Variants in PITPNM2 observed in about 807,000 individuals in gnomAD.
The protein encoded by PITPNM2 is membrane-associated phosphatidylinositol transfer protein 2.
In PITPNM2, 35 loss-of-function variants were observed where a neutral mutation model predicts 132.2. That is an observed-to-expected ratio of 0.26 (90% CI 0.20 to 0.35). PITPNM2 has a LOEUF of 0.35. Among genes scored for constraint, PITPNM2 ranks in the 10% least tolerant of loss-of-function variants. PITPNM2 has a pLI of 1.00. For missense variants in PITPNM2, 1,332 were observed against 1,912.0 expected (o/e 0.70, Z 5.66); for synonymous variants, 738 against 799.2 (o/e 0.92, Z 1.29).
In PITPNM2 at chr12:123,106,577, G is replaced by T. The variant is rs902937585; in HGVS notation, c.-96+3808C>A. 6.6e-6 allele frequency among the ~76,000 whole-genome samples: 1 copy of T among 152,202 alleles called. No homozygotes were observed. Among genetic ancestry groups the T allele is most frequent in the African/African-American group, 2.4e-5 (1 of 41,436 alleles). On this transcript the variant is annotated intron_variant, in intron 2 of 25. Transcript: ENST00000320201. This position sits in a 1 kb window ranked among gnomAD's most constrained non-coding sequence, Gnocchi z 4.4. The stretch of plus-strand genomic sequence containing the variant: ...GCTAAAGCCCTGCGTACTGAGCAGC[G>T]TCAGGTGTGTGTCAAAGAACCATAT...
chr12:123,075,979 G>A (rs934496012), intron 2 of PITPNM2: 2 of 152,304 alleles, frequency 1.3e-5, no homozygotes, highest in Non-Finnish European at 2.9e-5. Flanking sequence ...GCAGGGCCGG[G>A]TGCCTCCCAT....
intron 23 of PITPNM2, 79 bp from the exon 24 acceptor site, chr12:122,986,908 T>C: frequency 6.9e-7 from 1 of 1,450,512 alleles, no homozygotes; most frequent in African/African-American, 1.4e-5. Context: ...CAGGGCCCAC[T>C]TGGGCCATTG....
At chr12:122,990,880 C>T (rs899029995) in intron 16 of PITPNM2, among the ~76,000 whole-genome samples, 171 bp from the exon 17 acceptor site, 1 of 152,158 alleles carries the variant, frequency 6.6e-6, no homozygotes, top group South Asian at 2.1e-4. Context: ...AGAGCTTTAG[C>T]AGGTGAGGAG....
chr12:123,001,597 A>G (rs1337322268), intron 8 of PITPNM2, among the ~76,000 whole-genome samples: 1 of 152,234 alleles, frequency 6.6e-6, no homozygotes, highest in Admixed American at 6.5e-5. Context: ...TGCACTCAGC[A>G]TAGGGTTTCT....
Position 123,004,467 on chromosome 12 carries a change from G to C in PITPNM2, c.975C>G (p.Ile325Met). The C allele has an allele frequency of 6.2e-7, 1 of 1,613,996 alleles. No individual in the cohort carries two copies. Among genetic ancestry groups the C allele is most frequent in the Non-Finnish European group, 8.5e-7 (1 of 1,180,032 alleles). Residue 325 changes from isoleucine to methionine, a missense_variant, in exon 8 of 26, where the codon ATC (isoleucine) becomes ATG (methionine). Coordinates refer to ENST00000320201, the MANE Select transcript of PITPNM2 (RefSeq NM_020845.3). The surrounding 1 kb of genome is among the most constrained non-coding windows in gnomAD (Gnocchi z 4.9). ...KRGASPSRHS[I>M]SEWRMQSIAR... is the part of the protein sequence containing the mutation. Reference sequence around the variant, plus strand: ...CAATACTCTGCATCCTCCACTCTGAGATGCTGTGGCGGGAAGGACTCGCTG... The same window carrying C: ...CAATACTCTGCATCCTCCACTCTGACATGCTGTGGCGGGAAGGACTCGCTG...
At position 123,058,960 on chromosome 12, in the gene PITPNM2, G is replaced by A. The variant is rs1043966349; in HGVS notation, c.-95-24275C>T. On this transcript the variant is annotated intron_variant, in intron 2 of 25. Coordinates refer to ENST00000320201, the MANE Select transcript of PITPNM2 (RefSeq NM_020845.3). The surrounding 1 kb of genome is among the most constrained non-coding windows in gnomAD (Gnocchi z 4.0). ...CACCACACCCCATTCCCATTGTCTG[G>A]GCCCAAACCATGAAGCTCAGGGCAG... 2.6e-5 allele frequency among the ~76,000 whole-genome samples: 4 copies of A among 151,934 alleles called. No homozygotes were observed. In the South Asian group the frequency reaches 8.3e-4, roughly 32 times the overall value.
chr12:123,004,709 G>A lies in PITPNM2; in HGVS notation c.953-220C>T, dbSNP rs924092534. On this transcript the variant is annotated intron_variant, in intron 7 of 25. Coordinates refer to ENST00000320201, the MANE Select transcript of PITPNM2 (RefSeq NM_020845.3). This position sits in a 1 kb window ranked among gnomAD's most constrained non-coding sequence, Gnocchi z 4.9. ...GCCTGGCACAAGGCAGTCATGTCCC[G>A]GGGAGCATGGGTGGGGAAGAGCATG... 3.3e-5 allele frequency: 20 copies of A among 607,684 alleles called. No homozygotes were observed. Among genetic ancestry groups the A allele is most frequent in the Middle Eastern group, 4.4e-4 (1 of 2,290 alleles). 37.6% of individuals were successfully genotyped at this position (607,684 alleles called of 1,614,324 possible).
chr12:123,055,669 AC>A (rs1368816521), intron 2 of PITPNM2, among the ~76,000 whole-genome samples: 3 of 152,190 alleles, frequency 2.0e-5, no homozygotes, highest in Non-Finnish European at 2.9e-5. Context: ...ATGTTTCTGG[AC>A]CACTGTGAGG....
At chr12:123,059,720 C>G (rs899442671) in intron 2 of PITPNM2, among the ~76,000 whole-genome samples, 1 of 152,224 alleles carries the variant, frequency 6.6e-6, no homozygotes, top group African/African-American at 2.4e-5. Context: ...GGCCCAGAGT[C>G]TGGTGTATGC....
intron 2 of PITPNM2, among the ~76,000 whole-genome samples, chr12:123,048,765 C>A (rs1255764671): frequency 2.6e-5 from 4 of 152,054 alleles, no homozygotes; most frequent in African/African-American, 4.8e-5. Flanking sequence ...ATGAAAAAGT[C>A]CTGGAGATGG....
intron 1 of PITPNM2, among the ~76,000 whole-genome samples, chr12:123,121,918 G>A (rs1286839994): frequency 6.6e-6 from 1 of 152,060 alleles, no homozygotes; most frequent in Non-Finnish European, 1.5e-5. Context: ...ACAGTGGCAT[G>A]ATCTTGGCTC....
intron 2 of PITPNM2, among the ~76,000 whole-genome samples, chr12:123,068,065 C>T (rs983704337): frequency 2.0e-5 from 3 of 152,228 alleles, no homozygotes; most frequent in African/African-American, 7.2e-5. Context: ...CCAAAGTGCA[C>T]TGGCCTCCCC....
chr12:123,148,639 T>C (rs1375860812), intron 1 of PITPNM2, among the ~76,000 whole-genome samples: 1 of 151,988 alleles, frequency 6.6e-6, no homozygotes, highest in Non-Finnish European at 1.5e-5. Context: ...GTATAAGCAA[T>C]CAACTCTGGA....
At chr12:123,142,742 C>T (rs1056745962) in intron 1 of PITPNM2, among the ~76,000 whole-genome samples, 32 of 152,226 alleles carry the variant, frequency 2.1e-4, no homozygotes, top group African/African-American at 7.5e-4. Context: ...CTGGCCACCC[C>T]TGCTGATTGA....
chr12:123,003,427 T>G (rs1269963227), intron 8 of PITPNM2, among the ~76,000 whole-genome samples: 1 of 152,070 alleles, frequency 6.6e-6, no homozygotes, highest in Non-Finnish European at 1.5e-5. Context: ...CTGGGAGGGG[T>G]GGGACGCCAA....
intron 2 of PITPNM2, among the ~76,000 whole-genome samples, chr12:123,059,032 C>T (rs1193225893): frequency 6.6e-6 from 1 of 152,168 alleles, no homozygotes; most frequent in Non-Finnish European, 1.5e-5. Flanking sequence ...AAGCCCACAG[C>T]GAGGTGCTCT....
rs1186144994 is a variant in PITPNM2 at position 123,099,162 on chromosome 12, CAGCA to C, written c.-96+11219_-96+11222del. Among the ~76,000 whole-genome samples the C allele has an allele frequency of 5.3e-5, 8 of 152,044 alleles. No individual in the cohort carries two copies. Among genetic ancestry groups the C allele is most frequent in the African/African-American group, 4.8e-5 (2 of 41,380 alleles). On this transcript the variant is annotated intron_variant, in intron 2 of 25. Transcript: ENST00000320201. The surrounding 1 kb of genome is among the most constrained non-coding windows in gnomAD (Gnocchi z 4.2). ...CACTGGATCTCTGATTCAGTGGGCA[CAGCA>C]AGCACCTGCCAGATAAGGGAGGCAA...
chr12:123,032,505 CAAAA>C (rs2040129323), intron 3 of PITPNM2, among the ~76,000 whole-genome samples: 1 of 151,986 alleles, frequency 6.6e-6, no homozygotes, highest in South Asian at 2.1e-4. Flanking sequence ...AACAAACAAA[CAAAA>C]ACCTGGAGTG....
chr12:122,988,589 G>C, intron 19 of PITPNM2, 135 bp downstream of exon 19: 2 of 951,258 alleles, frequency 2.1e-6, no homozygotes, highest in South Asian at 1.7e-5. Flanking sequence ...GAGCATAAAG[G>C]TGCCCTCATC....
Sources: allele counts gnomAD v4.1 joint callset (sites outside exome capture counted in the v4.1 genomes callset), GRCh38; gene constraint gnomAD v4.1.1; non-coding constraint Gnocchi (gnomAD v3.1); transcripts MANE v1.5; gene names NCBI Gene and HGNC (gene_info 2026-07-23, HGNC 2026-07-21).